The following ARHGAP6 variants were observed in gnomAD, a reference collection of about 807,000 sequenced individuals.
ARHGAP6 encodes the protein rho GTPase-activating protein 6.
ARHGAP6 carries 16 observed loss-of-function variants against 55.7 expected under a neutral mutation model. The ratio of observed to expected loss-of-function variants is 0.29; its 90% confidence interval spans 0.19 to 0.44. ARHGAP6 has a LOEUF of 0.44. Among genes scored for constraint, ARHGAP6 ranks in the 20% least tolerant of loss-of-function variants. The probability of loss-of-function intolerance (pLI) is 1.00; values close to 1 mark genes in which losing one functional copy is unlikely to be tolerated. For missense variants in ARHGAP6, 698 were observed against 808.9 expected, an observed-to-expected ratio of 0.86 and a Z score of 1.66; for synonymous variants, 382 against 360.9, an observed-to-expected ratio of 1.06 and a Z score of -0.66.
At chrX:11,503,842 GCACA>G (rs759110553) in intron 1 of ARHGAP6, among the ~76,000 whole-genome samples, 44 of 103,521 alleles carry the variant, frequency 4.3e-4, no homozygotes, top group South Asian at 1.2e-3. Context: ...ATATCCATTT[GCACA>G]CACACACACA....
At position 11,526,158 on chromosome X, in the gene ARHGAP6, G is replaced by C. The variant is rs1423825334; in HGVS notation, c.588+138083C>G. 3.6e-5 allele frequency among the ~76,000 whole-genome samples: 4 copies of C among 111,731 alleles called. No individual in the cohort carries two copies. The Admixed American group carries it at 3.8e-4, about 11-fold the overall frequency. ...ATGAAAGTGAGACGAGGAAGGGAAG[G>C]TGACCAATTCAAATGCATTAATGAG... is the stretch of plus-strand genomic sequence containing the variant. On this transcript the variant is annotated intron_variant, in intron 1 of 12. Coordinates refer to ENST00000337414, the MANE Select transcript of ARHGAP6 (RefSeq NM_013427.3).
chrX:11,247,259 A>G (rs902715929), intron 2 of ARHGAP6, among the ~76,000 whole-genome samples: 9 of 112,319 alleles, frequency 8.0e-5, no homozygotes, highest in African/African-American at 2.9e-4. Context: ...ATGCATAAAC[A>G]AAGCCTTTCT....
intron 1 of ARHGAP6, among the ~76,000 whole-genome samples, chrX:11,396,866 C>T (rs2049483777): frequency 9.0e-6 from 1 of 111,253 alleles, no homozygotes; most frequent in South Asian, 3.8e-4. Flanking sequence ...CATAGAATAT[C>T]CTACTTAATG....
At chrX:11,521,464 T>C (rs887400032) in intron 1 of ARHGAP6, among the ~76,000 whole-genome samples, 1 of 111,806 alleles carries the variant, frequency 8.9e-6, no homozygotes, top group African/African-American at 3.3e-5. Context: ...GATCAGATAG[T>C]TGTAGATGTG....
At chrX:11,449,281 A>G (rs1273042454) in intron 1 of ARHGAP6, among the ~76,000 whole-genome samples, 5 of 111,881 alleles carry the variant, frequency 4.5e-5, no homozygotes, top group Non-Finnish European at 9.4e-5. Flanking sequence ...GCAAGCCCCA[A>G]TCCATATAGC....
At chrX:11,292,163 A>G (rs1409089910) in intron 1 of ARHGAP6, among the ~76,000 whole-genome samples, 1 of 111,990 alleles carries the variant, frequency 8.9e-6, no homozygotes, top group East Asian at 2.8e-4. Flanking sequence ...ATATATACAA[A>G]CTTTATAAGT....
chrX:11,439,505 TAGA>T (rs2050020497), intron 1 of ARHGAP6, among the ~76,000 whole-genome samples: 1 of 112,368 alleles, frequency 8.9e-6, no homozygotes, highest in Admixed American at 9.4e-5. Context: ...ACCCCTGATT[TAGA>T]AAACTAAAAT....
At chrX:11,535,352 G>A (rs2051091966) in intron 1 of ARHGAP6, among the ~76,000 whole-genome samples, 1 of 111,872 alleles carries the variant, frequency 8.9e-6, no homozygotes, top group African/African-American at 3.2e-5. Flanking sequence ...GTCTCCTTGG[G>A]AAAATTGCTT....
chrX:11,234,675 A>G (rs1395787386), intron 2 of ARHGAP6, among the ~76,000 whole-genome samples: 1 of 112,573 alleles, frequency 8.9e-6, no homozygotes, highest in Non-Finnish European at 1.9e-5. Flanking sequence ...GAGCCATACA[A>G]TCTAACAGTT....
At chrX:11,385,495 T>C (rs759576574) in intron 1 of ARHGAP6, among the ~76,000 whole-genome samples, 2 of 111,946 alleles carry the variant, frequency 1.8e-5, no homozygotes, top group Admixed American at 9.5e-5. Flanking sequence ...ATTAATACAA[T>C]TGAGTTGAGT....
intron 1 of ARHGAP6, among the ~76,000 whole-genome samples, chrX:11,514,323 T>G (rs2050814663): frequency 9.0e-6 from 1 of 110,900 alleles, no homozygotes; most frequent in Non-Finnish European, 1.9e-5. Context: ...ATTAAATCAC[T>G]GAGATTTGGG....
At chrX:11,271,891 T>A (rs2047697820) in intron 1 of ARHGAP6, among the ~76,000 whole-genome samples, 1 of 111,986 alleles carries the variant, frequency 8.9e-6, no homozygotes, top group Admixed American at 9.5e-5. Context: ...ATTTTCAGAA[T>A]CATCTTCCAA....
intron 1 of ARHGAP6, among the ~76,000 whole-genome samples, chrX:11,609,213 T>C (rs1474507543): frequency 9.0e-6 from 1 of 111,527 alleles, no homozygotes; most frequent in Non-Finnish European, 1.9e-5. Context: ...TGGAGAAGTA[T>C]GGGGATGCAG....
intron 1 of ARHGAP6, among the ~76,000 whole-genome samples, chrX:11,265,152 C>T (rs2047607419): frequency 8.9e-6 from 1 of 112,566 alleles, no homozygotes; most frequent in Non-Finnish European, 1.9e-5. Flanking sequence ...CAAGCCCTTT[C>T]ATTATGAGAC....
intron 2 of ARHGAP6, chrX:11,224,423 A>T: frequency 1.8e-6 from 1 of 562,994 alleles, no homozygotes; most frequent in Non-Finnish European, 2.2e-6. Flanking sequence ...CCAGCAAAGA[A>T]GGAAGAGAGC....
chrX:11,411,183 TTA>T (rs201875323), intron 1 of ARHGAP6, among the ~76,000 whole-genome samples: 2,318 of 31,675 alleles, frequency 0.073, 68 homozygotes, highest in South Asian at 0.1. Context: ...CAGACATTAT[TTA>T]TATATATATA....
intron 1 of ARHGAP6, among the ~76,000 whole-genome samples, chrX:11,342,375 T>C (rs994054168): frequency 1.8e-5 from 2 of 112,221 alleles, no homozygotes; most frequent in Non-Finnish European, 3.8e-5. Flanking sequence ...TCTCAATCTC[T>C]AGCTCACAAT....
intron 1 of ARHGAP6, among the ~76,000 whole-genome samples, chrX:11,451,513 C>T (rs1030207143): frequency 8.9e-6 from 1 of 112,151 alleles, no homozygotes; most frequent in Non-Finnish European, 1.9e-5. Context: ...AAACGTGGTT[C>T]CTCAAGTTGA....
chrX:11,621,132 G>C (rs774218903), intron 1 of ARHGAP6, among the ~76,000 whole-genome samples: 1 of 111,499 alleles, frequency 9.0e-6, no homozygotes, highest in African/African-American at 3.3e-5. Context: ...AGCTCATACA[G>C]AGAGAGAAAG....
Sources: gnomAD v4.1 joint callset for allele counts (sites outside exome capture counted in the v4.1 genomes callset) on GRCh38, gnomAD v4.1.1 for gene constraint, MANE v1.5 for transcripts, NCBI Gene and HGNC (gene_info 2026-07-23, HGNC 2026-07-21) for gene names.